The following B3GALNT2 variants were observed in gnomAD, a reference collection of about 807,000 sequenced individuals.
B3GALNT2 encodes the protein beta-1,3-N-acetylgalactosaminyltransferase 2.
A neutral mutation model predicts 61.1 loss-of-function variants in B3GALNT2; 53 were observed. The ratio of observed to expected loss-of-function variants is 0.87; its 90% confidence interval spans 0.70 to 1.09. B3GALNT2 has a LOEUF of 1.09. B3GALNT2 is among the 50% of genes least tolerant of loss of function. The pLI is 0.00. For synonymous variants in B3GALNT2, 223 were observed against 237.4 expected, an observed-to-expected ratio of 0.94 and a Z score of 0.56; for missense variants, 544 against 623.0, an observed-to-expected ratio of 0.87 and a Z score of 1.35.
Position 235,485,952 on chromosome 1 carries a change from G to A in B3GALNT2, c.362-1437C>T, listed in dbSNP as rs953497910. On this transcript the variant is annotated intron_variant, in intron 3 of 11. Coordinates refer to ENST00000366600, the MANE Select transcript of B3GALNT2 (RefSeq NM_152490.5). ...TCTACGATACAAAAATTAGCTGGGC[G>A]TGGTGGCACACACCTGTAATCCCAC... Among the ~76,000 whole-genome samples the A allele has an allele frequency of 3.9e-5, 6 of 152,046 alleles. No homozygotes were observed. The South Asian group carries it at 1.2e-3, about 31-fold the overall frequency.
At chr1:235,476,966 G>A (rs1396108547) in intron 5 of B3GALNT2, among the ~76,000 whole-genome samples, 1 of 151,392 alleles carries the variant, frequency 6.6e-6, no homozygotes, top group South Asian at 2.1e-4. Context: ...TTGAGGCTGC[G>A]GTGAGCTATG....
intron 6 of B3GALNT2, among the ~76,000 whole-genome samples, chr1:235,468,668 G>A (rs1334669904): frequency 6.6e-6 from 1 of 151,942 alleles, no homozygotes; most frequent in Non-Finnish European, 1.5e-5. Flanking sequence ...GGCCAGGCTG[G>A]TCTTGATCTC....
Position 235,455,548 on chromosome 1 carries a change from G to A in B3GALNT2, c.1151+11C>T. On this transcript the variant is annotated intron_variant, in intron 9 of 11. Transcript: ENST00000366600. Reference sequence around the variant, plus strand: ...ACACGAATGCCAATGGGCTAAGAATGGTTAACTTACTTTCCCCACCAAAAA... The same window carrying A: ...ACACGAATGCCAATGGGCTAAGAATAGTTAACTTACTTTCCCCACCAAAAA... 1 of 1,611,240 alleles carries A rather than the reference G, an allele frequency of 6.2e-7. No individual in the cohort carries two copies. Among genetic ancestry groups the A allele is most frequent in the African/African-American group, 1.3e-5 (1 of 74,922 alleles).
chr1:235,456,930 T>A (rs1365210874), intron 8 of B3GALNT2, among the ~76,000 whole-genome samples: 1 of 152,070 alleles, frequency 6.6e-6, no homozygotes, highest in Admixed American at 6.6e-5. Context: ...TGCCTAAACT[T>A]AACCTAGTAT....
chr1:235,457,336 A>G (rs1032118220), intron 8 of B3GALNT2, among the ~76,000 whole-genome samples: 1 of 152,062 alleles, frequency 6.6e-6, no homozygotes, highest in Non-Finnish European at 1.5e-5. Context: ...ATAAAAGTGA[A>G]AAAAATAAAA....
At chr1:235,489,098 A>G in intron 3 of B3GALNT2, 70 bp downstream of exon 3, 1 of 1,542,726 alleles carries the variant, frequency 6.5e-7, no homozygotes, top group Non-Finnish European at 8.7e-7. Flanking sequence ...CAGACTCCAT[A>G]CTATTAAGCT....
rs144582842 is a variant in B3GALNT2 at position 235,483,601 on chromosome 1, A to G, written c.555+721T>C. 6.0e-3 allele frequency among the ~76,000 whole-genome samples: 917 copies of G among 152,302 alleles called. 3 individuals carry two copies. Among genetic ancestry groups the G allele is most frequent in the Non-Finnish European group, 0.01 (703 of 68,014 alleles). On this transcript the variant is annotated intron_variant, in intron 4 of 11. Coordinates refer to ENST00000366600, the MANE Select transcript of B3GALNT2 (RefSeq NM_152490.5). ...AGCCTAGCCCACATGGCAAAATCCCATCTTTACTAAAAATACAAAAATTAG... is the reference window on the plus strand; with the variant it reads ...AGCCTAGCCCACATGGCAAAATCCCGTCTTTACTAAAAATACAAAAATTAG...
chr1:235,442,963 T>TA (rs1467679059), downstream of B3GALNT2: 3 of 1,581,300 alleles, frequency 1.9e-6, no homozygotes, highest in Non-Finnish European at 2.6e-6. Context: ...TCGGCCTAGG[T>TA]ATGAGTCAGC....
intron 2 of B3GALNT2, among the ~76,000 whole-genome samples, chr1:235,492,876 T>C (rs1042663671): frequency 1.5e-4 from 23 of 152,150 alleles, no homozygotes; most frequent in African/African-American, 5.6e-4. Context: ...GCACTTTTAG[T>C]GTATGAAAGT....
chr1:235,448,859 AG>A lies in B3GALNT2; in HGVS notation c.*1346del. 1 of 949,536 alleles carries A rather than the reference AG, an allele frequency of 1.1e-6. No individual in the cohort carries two copies. The allele number at this position is 949,536 out of a possible 1,614,324, so 58.8% of individuals were successfully genotyped here. A position where few individuals can be genotyped will look rare whatever the true frequency, so the allele number is the denominator to read the frequency against. ...TGGAACAATTCTACTGTCAAAACAA[AG>A]GGGGTTTACAACTTGTCCTAAGTAT... is the stretch of plus-strand genomic sequence containing the variant. On this transcript the variant is annotated 3_prime_UTR_variant, in exon 12 of 12. Coordinates refer to ENST00000366600, the MANE Select transcript of B3GALNT2 (RefSeq NM_152490.5).
Position 235,504,402 on chromosome 1 carries a change from A to G in B3GALNT2, c.-150T>C, listed in dbSNP as rs1685750260. The G allele has an allele frequency of 7.3e-6, 6 of 824,966 alleles. No homozygotes were observed. Among genetic ancestry groups the G allele is most frequent in the Non-Finnish European group, 6.8e-6 (4 of 587,238 alleles). 51.1% of individuals were successfully genotyped at this position (824,966 alleles called of 1,614,324 possible). On this transcript the variant is annotated 5_prime_UTR_variant, in exon 1 of 12. Transcript: ENST00000366600. ...CGGCGACGTCTGGGGGGCTCCTCGC[A>G]GCTCCCGGCCCCGCTCCTCCGGTCC... is the stretch of plus-strand genomic sequence containing the variant.
intron 4 of B3GALNT2, among the ~76,000 whole-genome samples, chr1:235,483,820 T>C (rs2102842648): frequency 6.6e-6 from 1 of 152,334 alleles, no homozygotes; most frequent in Admixed American, 6.5e-5. Context: ...TCACATGCAC[T>C]CTGTGAACAA....
At position 235,454,455 on chromosome 1, in the gene B3GALNT2, T is replaced by G. The variant is rs545074656; in HGVS notation, c.1152-140A>C. ...GAAAATAAGAAAATTTCTTTTTTTT[T>G]GAGATGGAGTTTTGCTCTTGTTGCT... On this transcript the variant is annotated intron_variant, in intron 9 of 11. Coordinates refer to ENST00000366600, the MANE Select transcript of B3GALNT2 (RefSeq NM_152490.5). 2.9e-5 allele frequency: 27 copies of G among 933,910 alleles called. No homozygotes were observed. In the South Asian group the frequency reaches 5.4e-4, roughly 19 times the overall value. The allele number at this position is 933,910 out of a possible 1,614,324, so 57.9% of individuals were successfully genotyped here.
intron 10 of B3GALNT2, among the ~76,000 whole-genome samples, chr1:235,453,611 AATT>A (rs1683031023): frequency 6.6e-6 from 1 of 151,924 alleles, no homozygotes; most frequent in African/African-American, 2.4e-5. Context: ...GCGCCCAGCT[AATT>A]TTTTGTATTT....
intron 8 of B3GALNT2, among the ~76,000 whole-genome samples, chr1:235,458,361 CAG>C (rs1244931146): frequency 6.6e-6 from 1 of 151,982 alleles, no homozygotes; most frequent in East Asian, 1.9e-4. Context: ...GCTGAAATCT[CAG>C]TGGTTTGAAG....
At position 235,449,495 on chromosome 1, in the gene B3GALNT2, C is replaced by A. The variant is rs1253512362; in HGVS notation, c.*711G>T. ...TTTATTCATACTCACACAACTTTAG[C>A]ATTTAAAAACTATGAGTACTAAACT... On this transcript the variant is annotated 3_prime_UTR_variant, in exon 12 of 12. Transcript: ENST00000366600. The A allele has an allele frequency of 6.5e-6, 1 of 152,704 alleles. No individual in the cohort carries two copies. Among genetic ancestry groups the A allele is most frequent in the Non-Finnish European group, 1.5e-5 (1 of 68,422 alleles). The allele number at this position is 152,704 out of a possible 1,614,324, so 9.5% of individuals were successfully genotyped here.
chr1:235,478,518 A>G (rs1394972146), intron 5 of B3GALNT2, among the ~76,000 whole-genome samples: 2 of 152,238 alleles, frequency 1.3e-5, no homozygotes, highest in East Asian at 3.8e-4. Flanking sequence ...CCCTCCAGGA[A>G]GGAATCATCT....
chr1:235,444,534 G>A (rs1039408278), downstream of B3GALNT2, among the ~76,000 whole-genome samples: 8 of 152,138 alleles, frequency 5.3e-5, no homozygotes, highest in Non-Finnish European at 1.0e-4. Flanking sequence ...CTCCTGAGTA[G>A]CTGGGACTAT....
intron 2 of B3GALNT2, among the ~76,000 whole-genome samples, chr1:235,492,426 C>T (rs1033901861): frequency 1.3e-5 from 2 of 152,018 alleles, no homozygotes; most frequent in African/African-American, 4.8e-5. Context: ...AAATCAAGCA[C>T]GCTAAATTTA....
Sources: allele counts gnomAD v4.1 joint callset (sites outside exome capture counted in the v4.1 genomes callset), GRCh38; gene constraint gnomAD v4.1.1; transcripts MANE v1.5; gene names NCBI Gene and HGNC (gene_info 2026-07-23, HGNC 2026-07-21).